HYAL4: variants seen among roughly 807,000 people sequenced by gnomAD.
HYAL4 encodes hyaluronidase-4.
Under a neutral mutation model 35.2 loss-of-function variants are expected in HYAL4, and 37 were observed. The ratio of observed to expected loss-of-function variants is 1.05; its 90% CI spans 0.81 to 1.38. The LOEUF (loss-of-function observed/expected upper bound fraction) is 1.38. Among genes scored for constraint, HYAL4 ranks in the 40% most tolerant of loss-of-function variants. The pLI, the probability that HYAL4 is intolerant of heterozygous loss-of-function variation, is 0.00. For missense variants in HYAL4, 572 were observed against 572.4 expected, an observed-to-expected ratio of 1.00 and a Z score of 0.01; for synonymous variants, 198 against 203.2, an observed-to-expected ratio of 0.97 and a Z score of 0.22.
chr7:123,868,254 C>A lies in HYAL4; in HGVS notation c.-20C>A. On this transcript the variant is annotated 5_prime_UTR_variant, in exon 3 of 5. Coordinates refer to ENST00000223026, the MANE Select transcript of HYAL4 (RefSeq NM_012269.3). ...TAGAGTGCACTAAAGCAGAAGATAA[C>A]GTAACATTTTTATCTTACCATGAAA... 1 of 1,383,314 alleles carries A rather than the reference C, an allele frequency of 7.2e-7. No homozygotes were observed. Among genetic ancestry groups the A allele is most frequent in the Non-Finnish European group, 9.8e-7 (1 of 1,022,688 alleles). The allele number at this position is 1,383,314 out of a possible 1,614,324, so 85.7% of individuals were successfully genotyped here.
intron 2 of HYAL4, among the ~76,000 whole-genome samples, chr7:123,853,063 T>C (rs574134019): frequency 3.3e-5 from 5 of 152,076 alleles, no homozygotes; most frequent in Non-Finnish European, 7.3e-5. Flanking sequence ...ATAGGAATGC[T>C]TGTGGTTTTT....
the HYAL4 span, among the ~76,000 whole-genome samples, chr7:123,818,783 T>C: frequency 6.6e-6 from 1 of 152,160 alleles, no homozygotes; most frequent in East Asian, 1.9e-4. Flanking sequence ...AAGAAATGCC[T>C]TTTTTTCTGT....
upstream of HYAL4, among the ~76,000 whole-genome samples, chr7:123,827,505 T>G (rs1805815702): frequency 6.6e-6 from 1 of 152,156 alleles, no homozygotes; most frequent in African/African-American, 2.4e-5. Flanking sequence ...ATTGTTTGCC[T>G]GTTTTATTTT....
chr7:123,823,062 A>G, the HYAL4 span, among the ~76,000 whole-genome samples: 1 of 132,944 alleles, frequency 7.5e-6, no homozygotes, highest in East Asian at 2.5e-4. Context: ...ACTTTTCATC[A>G]TTGACTATGA....
At chr7:123,870,020 C>T (rs1806836003) in intron 3 of HYAL4, among the ~76,000 whole-genome samples, 1 of 152,160 alleles carries the variant, frequency 6.6e-6, no homozygotes, top group South Asian at 2.1e-4. Context: ...TTTTGTGTAA[C>T]CTTTCTACAT....
chr7:123,816,851 T>A, the HYAL4 span, among the ~76,000 whole-genome samples: 1 of 151,394 alleles, frequency 6.6e-6, no homozygotes, highest in Admixed American at 6.6e-5. Flanking sequence ...TTCCAACGCA[T>A]TTTTTTTTAA....
chr7:123,785,099 T>C, the HYAL4 span, among the ~76,000 whole-genome samples: 1 of 152,322 alleles, frequency 6.6e-6, no homozygotes, highest in East Asian at 1.9e-4. This position sits in a 1 kb window ranked among gnomAD's most constrained non-coding sequence, Gnocchi z 4.5. Context: ...AGGGTCTCTC[T>C]CTGTCACCGG....
At chr7:123,846,699 C>T (rs1290112420) in intron 1 of HYAL4, among the ~76,000 whole-genome samples, 3 of 152,186 alleles carry the variant, frequency 2.0e-5, no homozygotes, top group Admixed American at 2.0e-4. Context: ...CAAAGTTCAG[C>T]TGGAGGTTTC....
At chr7:123,778,439 CTT>C in the HYAL4 span, among the ~76,000 whole-genome samples, 1 of 152,006 alleles carries the variant, frequency 6.6e-6, no homozygotes, top group African/African-American at 2.4e-5. Flanking sequence ...ATTGCCATGT[CTT>C]TTTTAGTTTC....
At chr7:123,843,436 T>C (rs930900933), upstream of HYAL4, among the ~76,000 whole-genome samples, 5 of 152,042 alleles carry the variant, frequency 3.3e-5, no homozygotes, top group African/African-American at 1.2e-4. Flanking sequence ...TTAACACTTT[T>C]TCCTTCATTT....
At chr7:123,857,669 G>GTTTGTTTGTTTCTTTCTTTCTTTC (rs1283770130) in intron 2 of HYAL4, among the ~76,000 whole-genome samples, 1 of 124,658 alleles carries the variant, frequency 8.0e-6, no homozygotes, top group Non-Finnish European at 1.8e-5. Flanking sequence ...TTCTTTGTTT[G>GTTTGTTTGTTTCTTTCTTTCTTTC]TTTCTTTCTT....
chr7:123,794,654 G>A, the HYAL4 span, among the ~76,000 whole-genome samples: 9 of 152,250 alleles, frequency 5.9e-5, no homozygotes, highest in African/African-American at 1.9e-4. Context: ...GAGCCTGTGG[G>A]TGCGCAGAAG....
chr7:123,813,800 T>C, the HYAL4 span, among the ~76,000 whole-genome samples: 2 of 152,336 alleles, frequency 1.3e-5, no homozygotes, highest in South Asian at 4.1e-4. Flanking sequence ...CCATTCAGAC[T>C]TCTTTTCTAG....
chr7:123,806,149 G>A, the HYAL4 span, among the ~76,000 whole-genome samples: 1 of 152,144 alleles, frequency 6.6e-6, no homozygotes, highest in Non-Finnish European at 1.5e-5. Flanking sequence ...ATCAAGACAA[G>A]ATGAGGCTGG....
the HYAL4 span, among the ~76,000 whole-genome samples, chr7:123,807,827 A>G: frequency 6.6e-6 from 1 of 151,178 alleles, no homozygotes; most frequent in African/African-American, 2.4e-5. Context: ...AACCTCCCAG[A>G]CTCAAGTGAT....
the HYAL4 span, chr7:123,814,554 C>T: frequency 6.6e-6 from 1 of 152,458 alleles, no homozygotes; most frequent in Non-Finnish European, 1.5e-5. Flanking sequence ...AGTTGGAAAC[C>T]CCAATGGGAT....
chr7:123,867,713 A>G (rs931147179), intron 2 of HYAL4, among the ~76,000 whole-genome samples: 3 of 152,148 alleles, frequency 2.0e-5, no homozygotes, highest in East Asian at 3.8e-4. Flanking sequence ...CTTGTTATGC[A>G]TTTTTATTAT....
chr7:123,845,934 C>T (rs1448357953), intron 1 of HYAL4, among the ~76,000 whole-genome samples: 1 of 152,154 alleles, frequency 6.6e-6, no homozygotes, highest in Non-Finnish European at 1.5e-5. Flanking sequence ...TGTATCTAGC[C>T]ACCTAGCTGG....
At chr7:123,839,161 G>A (rs760246060) in intron 1 of HYAL4, among the ~76,000 whole-genome samples, 7 of 151,774 alleles carry the variant, frequency 4.6e-5, no homozygotes, top group African/African-American at 1.2e-4. Context: ...GACAGGCCAC[G>A]GTGTGTGATG....
Sources: gnomAD v4.1 joint callset for allele counts (sites outside exome capture counted in the v4.1 genomes callset) on GRCh38, gnomAD v4.1.1 for gene constraint, Gnocchi (gnomAD v3.1) non-coding constraint, MANE v1.5 for transcripts, NCBI Gene and HGNC (gene_info 2026-07-23, HGNC 2026-07-21) for gene names.